WDFY3: variants seen among roughly 807,000 people sequenced by gnomAD.
The protein encoded by WDFY3 is WD repeat and FYVE domain containing 3.
A neutral mutation model predicts 409.6 loss-of-function variants in WDFY3; 66 were observed. The observed-to-expected ratio is 0.16, with a 90% confidence interval of 0.13 to 0.20. The LOEUF (loss-of-function observed/expected upper bound fraction) is 0.20, where lower values mean the gene tolerates loss of function less well. Among genes scored for constraint, WDFY3 ranks in the 10% least tolerant of loss-of-function variants. WDFY3 has a pLI of 1.00. For missense variants in WDFY3, 3,031 were observed against 4,298.1 expected, an observed-to-expected ratio of 0.71 and a Z score of 8.24; for synonymous variants, 1,521 against 1,537.1, an observed-to-expected ratio of 0.99 and a Z score of 0.25.
At chr4:84,885,558 T>C (rs536328657) in intron 3 of WDFY3, among the ~76,000 whole-genome samples, 2 of 152,036 alleles carry the variant, frequency 1.3e-5, no homozygotes, top group African/African-American at 4.8e-5. Context: ...AATTAGAATA[T>C]AGAATTTACA....
chr4:84,927,592 C>A (rs141737212), intron 2 of WDFY3, among the ~76,000 whole-genome samples: 2 of 152,096 alleles, frequency 1.3e-5, no homozygotes, highest in Admixed American at 1.3e-4. Context: ...GTGTCAAGGG[C>A]GGGGCCAGGT....
intron 1 of WDFY3, among the ~76,000 whole-genome samples, chr4:84,954,427 T>G (rs1436460591): frequency 2.6e-5 from 4 of 152,122 alleles, no homozygotes; most frequent in Admixed American, 6.6e-5. Context: ...GGCAATGCCA[T>G]GGGGAAAGAA....
At chr4:84,803,969 TA>T (rs1751088422) in intron 15 of WDFY3, 1 of 152,448 alleles carries the variant, frequency 6.6e-6, no homozygotes, top group Non-Finnish European at 1.5e-5. Flanking sequence ...TCTCAGAGTC[TA>T]AGCTATCCAA....
chr4:84,847,602 TAAAAAAA>T (rs757064066), intron 5 of WDFY3, among the ~76,000 whole-genome samples: 5 of 79,132 alleles, frequency 6.3e-5, no homozygotes, highest in African/African-American at 1.9e-4. Flanking sequence ...CCGTCTCTAC[TAAAAAAA>T]AAAAAAAAAA....
intron 2 of WDFY3, among the ~76,000 whole-genome samples, chr4:84,907,804 G>A (rs1250226460): frequency 3.9e-5 from 6 of 152,152 alleles, no homozygotes; most frequent in Non-Finnish European, 5.9e-5. Flanking sequence ...GTCTTACAGG[G>A]ATAGACGGGA....
Position 84,718,440 on chromosome 4 carries a change from A to G in WDFY3, c.7736T>C (p.Ile2579Thr), listed in dbSNP as rs757348561. 1.2e-6 allele frequency: 2 copies of G among 1,613,734 alleles called. No individual in the cohort carries two copies. The highest frequency in any genetic ancestry group is 1.7e-6 in the Non-Finnish European group (2 of 1,179,814). ...TMTATREIRD[I>T]ETLPPNMHEP... ...TACTTACTTTGGAGGTAAGGTTTCA[A>G]TATCTCTTATTTCCCTGGTTGCTGT... The change falls in exon 48 of 68, where the codon ATT becomes ACT. Residue 2579 changes from isoleucine to threonine, a missense_variant. By Grantham distance (89) the Ile-to-Thr change is moderately conservative. Transcript: ENST00000295888.
intron 7 of WDFY3, among the ~76,000 whole-genome samples, chr4:84,833,360 A>G (rs925969307): frequency 1.3e-5 from 2 of 152,112 alleles, no homozygotes; most frequent in African/African-American, 4.8e-5. Context: ...GCGCTTCATG[A>G]AATTTTGGTA....
chr4:84,849,363 TA>T (rs1266890021), intron 5 of WDFY3, among the ~76,000 whole-genome samples: 1 of 151,972 alleles, frequency 6.6e-6, no homozygotes, highest in African/African-American at 2.4e-5. Flanking sequence ...TTTCTTTGCC[TA>T]AAGAAATCAA....
chr4:84,949,434 T>C (rs1358060009), intron 1 of WDFY3, among the ~76,000 whole-genome samples: 2 of 152,104 alleles, frequency 1.3e-5, no homozygotes, highest in Non-Finnish European at 2.9e-5. Context: ...TACATTACAT[T>C]TTGTAAATAT....
At chr4:84,889,727 A>G (rs1052413272) in intron 3 of WDFY3, among the ~76,000 whole-genome samples, 2 of 152,356 alleles carry the variant, frequency 1.3e-5, no homozygotes, top group Admixed American at 1.3e-4. Flanking sequence ...GGAGATGAGT[A>G]TGATACTGGC....
intron 5 of WDFY3, among the ~76,000 whole-genome samples, chr4:84,842,141 T>A (rs1757447243): frequency 6.6e-6 from 1 of 152,174 alleles, no homozygotes; most frequent in African/African-American, 2.4e-5. Flanking sequence ...GGCTTGCCAA[T>A]TTTTACAGTA....
intron 29 of WDFY3, among the ~76,000 whole-genome samples, 167 bp downstream of exon 29, chr4:84,774,653 G>A (rs1021601039): frequency 1.3e-5 from 2 of 152,196 alleles, no homozygotes; most frequent in African/African-American, 2.4e-5. Context: ...ATCAAGGCAA[G>A]ATATTGTCTC....
chr4:84,776,628 T>C (rs1325730750), intron 27 of WDFY3, among the ~76,000 whole-genome samples: 1 of 152,106 alleles, frequency 6.6e-6, no homozygotes, highest in Non-Finnish European at 1.5e-5. Context: ...TTTTAAATTA[T>C]CTATTTCTTT....
At position 84,960,828 on chromosome 4, in the gene WDFY3, T is replaced by C. The variant is rs149254629; in HGVS notation, c.-226+5381A>G. Among the ~76,000 whole-genome samples the C allele has an allele frequency of 4.1e-3, 620 of 152,310 alleles. 1 individual carries two copies. The highest frequency in any genetic ancestry group is 0.01 in the Middle Eastern group (3 of 294). On this transcript the variant is annotated intron_variant, in intron 1 of 67. Transcript: ENST00000295888. ...CATATCATCTTCTGAATGAATGATA[T>C]CTTATTCCAACGGGGCAACCCAGTA... is the stretch of plus-strand genomic sequence containing the variant.
intron 2 of WDFY3, among the ~76,000 whole-genome samples, chr4:84,902,093 T>C (rs868010582): frequency 9.2e-5 from 14 of 152,278 alleles, no homozygotes; most frequent in South Asian, 4.1e-4. Flanking sequence ...CTCTCAAAGC[T>C]CTTTCCCACC....
At chr4:84,803,213 C>A in intron 16 of WDFY3, 77 bp downstream of exon 16, 1 of 1,428,810 alleles carries the variant, frequency 7.0e-7, no homozygotes, top group East Asian at 2.4e-5. Context: ...CCTCAACCCC[C>A]TAGCTCATAT....
intron 3 of WDFY3, 46 bp downstream of exon 3, chr4:84,896,865 A>G (rs1579034731): frequency 6.6e-6 from 1 of 152,310 alleles, no homozygotes; most frequent in African/African-American, 2.4e-5. Context: ...CAGTGATAGT[A>G]AAGATTAAAA....
intron 41 of WDFY3, 46 bp from the exon 42 acceptor site, chr4:84,736,373 TTA>T (rs1261433497): frequency 6.6e-7 from 1 of 1,514,092 alleles, no homozygotes; most frequent in Admixed American, 2.1e-5. Flanking sequence ...CTCCATGTAT[TTA>T]TGAGTCTTAC....
At chr4:84,783,571 A>C (rs1472355971) in intron 24 of WDFY3, among the ~76,000 whole-genome samples, 1 of 152,212 alleles carries the variant, frequency 6.6e-6, no homozygotes, top group African/African-American at 2.4e-5. Context: ...ATCTTGAGAC[A>C]CAGCTTCAGG....
Sources: allele counts gnomAD v4.1 joint callset (sites outside exome capture counted in the v4.1 genomes callset), GRCh38; gene constraint gnomAD v4.1.1; transcripts MANE v1.5; gene names NCBI Gene and HGNC (gene_info 2026-07-23, HGNC 2026-07-21).